The following LIMCH1 variants were observed in gnomAD, a reference collection of about 807,000 sequenced individuals.
LIMCH1 encodes LIM and calponin homology domains 1, also known as LIM and calponin homology domains-containing protein 1.
LIMCH1 carries 113 observed loss-of-function variants against 176.5 expected under a neutral mutation model. That is an observed-to-expected ratio of 0.64 (90% CI 0.55 to 0.75). The LOEUF (loss-of-function observed/expected upper bound fraction) is 0.75. Ranked by LOEUF, LIMCH1 falls within the 30% of genes least tolerant of loss-of-function variation. The pLI is 0.00. For missense variants in LIMCH1, 1,674 were observed against 1,814.9 expected (o/e 0.92, Z 1.41); for synonymous variants, 619 against 645.9 (o/e 0.96, Z 0.63).
Position 41,439,227 on chromosome 4 carries a change from T to C in LIMCH1, c.97-55309T>C, listed in dbSNP as rs955045232. 9.2e-5 allele frequency among the ~76,000 whole-genome samples: 14 copies of C among 152,300 alleles called. No homozygotes were observed. In the South Asian group the frequency reaches 2.1e-3, roughly 23 times the overall value. On this transcript the variant is annotated intron_variant, in intron 1 of 26. Coordinates refer to the LIMCH1 transcript ENST00000313860. Reference sequence around the variant, plus strand: ...GGGGACATAATTGCAGTGTCCACTATAGGAAAAACACCAAGTGATTTCTAA... The same window carrying C: ...GGGGACATAATTGCAGTGTCCACTACAGGAAAAACACCAAGTGATTTCTAA...
At chr4:41,514,633 A>C (rs1286073728) in intron 2 of LIMCH1, among the ~76,000 whole-genome samples, 1 of 152,236 alleles carries the variant, frequency 6.6e-6, no homozygotes, top group Non-Finnish European at 1.5e-5. Flanking sequence ...AGCAATAGGC[A>C]GCCAGCACAG....
intron 1 of LIMCH1, among the ~76,000 whole-genome samples, chr4:41,438,381 T>C (rs4508933): frequency 0.24 from 35,975 of 151,912 alleles, 5,496 homozygotes; most frequent in African/African-American, 0.42. Context: ...CTTTTCTTTT[T>C]TTTTTTTTGA....
chr4:41,558,055 A>G (rs1228861197), intron 1 of LIMCH1, among the ~76,000 whole-genome samples: 5 of 152,044 alleles, frequency 3.3e-5, no homozygotes, highest in Non-Finnish European at 7.4e-5. Context: ...CACGTTCCTC[A>G]AGGACCCCTC....
intron 1 of LIMCH1, among the ~76,000 whole-genome samples, chr4:41,381,931 G>A (rs1193742097): frequency 6.6e-6 from 1 of 152,152 alleles, no homozygotes; most frequent in African/African-American, 2.4e-5. Context: ...TGTACTCACC[G>A]GATCCCAGTA....
chr4:41,398,074 C>G (rs2154115265), intron 1 of LIMCH1, among the ~76,000 whole-genome samples: 1 of 151,608 alleles, frequency 6.6e-6, no homozygotes. Context: ...AGATTCATCA[C>G]AGCTATTCTT....
intron 1 of LIMCH1, among the ~76,000 whole-genome samples, chr4:41,461,887 G>C (rs2065412681): frequency 6.6e-6 from 1 of 152,208 alleles, no homozygotes; most frequent in Non-Finnish European, 1.5e-5. Context: ...GTAATGAAAT[G>C]AGCATGTGCA....
At chr4:41,509,094 A>C (rs1358556047) in intron 2 of LIMCH1, among the ~76,000 whole-genome samples, 1 of 152,140 alleles carries the variant, frequency 6.6e-6, no homozygotes, top group African/African-American at 2.4e-5. Flanking sequence ...CACTGTTCAG[A>C]GCGAAAGGGG....
chr4:41,401,244 A>T (rs1259171974), intron 1 of LIMCH1, among the ~76,000 whole-genome samples: 1 of 152,228 alleles, frequency 6.6e-6, no homozygotes. Context: ...TCAGCCTTCT[A>T]CATATGGCTA....
chr4:41,560,577 T>A (rs1432809073), intron 1 of LIMCH1, among the ~76,000 whole-genome samples: 1 of 152,204 alleles, frequency 6.6e-6, no homozygotes, highest in Non-Finnish European at 1.5e-5. Context: ...ATTGTCTTTT[T>A]TGGGCTTTGG....
intron 18 of LIMCH1, among the ~76,000 whole-genome samples, chr4:41,652,782 CTA>C (rs1246913944): frequency 1.3e-5 from 2 of 152,166 alleles, no homozygotes; most frequent in Non-Finnish European, 2.9e-5. Context: ...CTGAAAGAAA[CTA>C]TGCTATTTCA....
intron 4 of LIMCH1, among the ~76,000 whole-genome samples, chr4:41,608,906 A>T (rs949243776): frequency 2.0e-5 from 3 of 152,254 alleles, no homozygotes; most frequent in East Asian, 1.9e-4. Context: ...CTATAGGCAA[A>T]CATTCCCTTA....
intron 1 of LIMCH1, among the ~76,000 whole-genome samples, chr4:41,415,421 G>T (rs757339616): frequency 6.6e-6 from 1 of 151,698 alleles, no homozygotes; most frequent in Non-Finnish European, 1.5e-5. Flanking sequence ...TCCCCTCCTT[G>T]AAGAGAAATT....
intron 18 of LIMCH1, 74 bp downstream of exon 18, chr4:41,650,682 A>G (rs976650212): frequency 1.6e-6 from 2 of 1,261,152 alleles, no homozygotes; most frequent in Non-Finnish European, 2.2e-6. Flanking sequence ...AAAAATAAGT[A>G]GGTCATGATA....
In LIMCH1 at chr4:41,650,596, C is replaced by T; in HGVS notation, c.3024C>T (p.Pro1008=). The change falls in exon 18 of 32, where the codon CCC becomes CCT. Residue 1008 remains proline (P), a synonymous_variant. Coordinates refer to ENST00000503057, the MANE Select transcript of LIMCH1 (RefSeq NM_001330672.2). ...ACATAAAGAAGCCAAACTCTGTTCC[C>T]CAAGAGCTCGCAGTAAGAACCAAAC... is the stretch of plus-strand genomic sequence containing the variant. ...EINIKKPNSV[P]QELAATTEKT... 6.2e-7 allele frequency: 1 copy of T among 1,613,244 alleles called. No individual in the cohort carries two copies. The highest frequency in any genetic ancestry group is 8.5e-7 in the Non-Finnish European group (1 of 1,179,656).
At chr4:41,396,950 G>A (rs570502935) in intron 1 of LIMCH1, among the ~76,000 whole-genome samples, 3 of 152,210 alleles carry the variant, frequency 2.0e-5, no homozygotes, top group African/African-American at 7.2e-5. Flanking sequence ...AGACAGGTAT[G>A]TTTGGAGTAT....
At chr4:41,371,438 C>T (rs569769407) in intron 1 of LIMCH1, among the ~76,000 whole-genome samples, 34 of 152,286 alleles carry the variant, frequency 2.2e-4, no homozygotes, top group Admixed American at 7.8e-4. Context: ...TTTCACTTCA[C>T]GTCTATTTCC....
intron 1 of LIMCH1, among the ~76,000 whole-genome samples, chr4:41,452,409 C>G (rs1423008762): frequency 6.6e-6 from 1 of 152,170 alleles, no homozygotes; most frequent in African/African-American, 2.4e-5. Flanking sequence ...TCTGGATGTA[C>G]AAGTCCCTGT....
intron 2 of LIMCH1, 151 bp downstream of exon 2, chr4:41,599,177 A>C (rs2089471812): frequency 8.8e-6 from 5 of 571,018 alleles, no homozygotes; most frequent in Middle Eastern, 4.4e-4. Flanking sequence ...AAAACAACTC[A>C]CATTGACTTT....
chr4:41,536,381 A>G (rs1222482928), upstream of LIMCH1, among the ~76,000 whole-genome samples: 1 of 152,182 alleles, frequency 6.6e-6, no homozygotes, highest in Non-Finnish European at 1.5e-5. Flanking sequence ...TTCTGCTAGA[A>G]TGTTAGGTCT....
Sources: allele counts gnomAD v4.1 joint callset (sites outside exome capture counted in the v4.1 genomes callset), GRCh38; gene constraint gnomAD v4.1.1; transcripts MANE v1.5; gene names NCBI Gene and HGNC (gene_info 2026-07-23, HGNC 2026-07-21).